Variants in CRYBB2 observed in about 807,000 individuals in gnomAD.
The protein encoded by CRYBB2 is crystallin beta B2, also known as beta-crystallin B2.
Under a neutral mutation model 24.3 loss-of-function variants are expected in CRYBB2, and 12 were observed. That is an observed-to-expected ratio of 0.49 (90% CI 0.32 to 0.80). CRYBB2 has a LOEUF of 0.80. Ranked by LOEUF, CRYBB2 falls within the 30% of genes least tolerant of loss-of-function variation. The pLI is 0.04. For synonymous variants in CRYBB2, 98 were observed against 101.6 expected (o/e 0.96, Z 0.21); for missense variants, 198 against 268.5 (o/e 0.74, Z 1.83).
At chr22:25,225,226 G>A (rs1935391242) in intron 3 of CRYBB2, among the ~76,000 whole-genome samples, 190 bp downstream of exon 3, 1 of 152,160 alleles carries the variant, frequency 6.6e-6, no homozygotes, top group Admixed American at 6.5e-5. Flanking sequence ...CACCCCTTCT[G>A]GGTTGTGTGG....
intron 5 of CRYBB2, among the ~76,000 whole-genome samples, chr22:25,230,977 G>T (rs1490961325): frequency 2.0e-5 from 3 of 152,150 alleles, no homozygotes; most frequent in Non-Finnish European, 4.4e-5. Context: ...TGGTGTGTGT[G>T]GGGGAGCCTG....
Position 25,227,919 on chromosome 22 carries a change from C to G in CRYBB2, c.240C>G (p.Pro80=), listed in dbSNP as rs1935450011. Residue 80 remains proline, a synonymous_variant, in exon 4 of 6, where the codon CCC becomes CCG. Coordinates refer to ENST00000398215, the MANE Select transcript of CRYBB2 (RefSeq NM_000496.3). The part of the protein sequence containing the change: ...EQFVFEKGEY[P]RWDSWTSSRR... The stretch of plus-strand genomic sequence containing the variant: ...TTGTGTTTGAGAAGGGTGAGTACCC[C>G]CGCTGGGACTCATGGACCAGCAGCC... The G allele has an allele frequency of 6.2e-7, 1 of 1,614,130 alleles. No individual in the cohort carries two copies. The highest frequency in any genetic ancestry group is 8.5e-7 in the Non-Finnish European group (1 of 1,180,020).
upstream of CRYBB2, among the ~76,000 whole-genome samples, chr22:25,218,246 G>A (rs571455341): frequency 4.0e-4 from 58 of 144,816 alleles, no homozygotes; most frequent in East Asian, 1.1e-3. Context: ...GCGACAGAGC[G>A]AGACTCCATC....
intron 2 of CRYBB2, among the ~76,000 whole-genome samples, chr22:25,224,110 T>G: frequency 1.5e-5 from 2 of 134,502 alleles, no homozygotes; most frequent in African/African-American, 3.0e-5. Context: ...GGCGACAGAG[T>G]GAGACTCCGT....
At chr22:25,218,736 G>GGAGAGA (rs71191034), upstream of CRYBB2, among the ~76,000 whole-genome samples, 5 of 35,332 alleles carry the variant, frequency 1.4e-4, no homozygotes, top group East Asian at 9.8e-4. Context: ...GAGAGAGAGG[G>GGAGAGA]GAGAGAGAGA....
At chr22:25,218,847 A>T (rs200112888), upstream of CRYBB2, among the ~76,000 whole-genome samples, 10 of 114,558 alleles carry the variant, frequency 8.7e-5, no homozygotes, top group African/African-American at 3.4e-4. Context: ...AGAGAAAGAA[A>T]GAAAGAAAGA....
At chr22:25,216,130 G>C (rs1935166678), upstream of CRYBB2, among the ~76,000 whole-genome samples, 1 of 148,106 alleles carries the variant, frequency 6.8e-6, no homozygotes, top group Non-Finnish European at 1.5e-5. Context: ...TAAGGACACA[G>C]CCAGGTCTTG....
chr22:25,217,441 C>T (rs908191301), upstream of CRYBB2, among the ~76,000 whole-genome samples: 2 of 152,192 alleles, frequency 1.3e-5, no homozygotes, highest in East Asian at 3.8e-4. Context: ...CCTCAGCCTC[C>T]CGAGTAGCTG....
intron 2 of CRYBB2, among the ~76,000 whole-genome samples, chr22:25,224,107 G>C (rs1415413351): frequency 6.8e-6 from 1 of 146,380 alleles, no homozygotes; most frequent in Admixed American, 6.8e-5. Context: ...CTGGGCGACA[G>C]AGTGAGACTC....
At chr22:25,229,257 A>T (rs1935489498) in intron 4 of CRYBB2, among the ~76,000 whole-genome samples, 179 bp from the exon 5 acceptor site, 1 of 152,212 alleles carries the variant, frequency 6.6e-6, no homozygotes. Flanking sequence ...ATGGCCCAGT[A>T]GAAACTTAAC....
upstream of CRYBB2, among the ~76,000 whole-genome samples, chr22:25,218,735 GGGAGAGAGAGAGAGAGAGAGAGAGA>G (rs1935236527): frequency 2.4e-5 from 1 of 41,516 alleles, no homozygotes; most frequent in Non-Finnish European, 4.0e-5. Context: ...AGAGAGAGAG[GGGAGAGAGAGAGAGAGAGAGAGAGA>G]GAGAGAGAGA....
chr22:25,229,349 C>T lies in CRYBB2; in HGVS notation c.307-87C>T, dbSNP rs1301029343. ...AGAGTGATGTGTGGGACATGCTGAT[C>T]CCAACTCTGGGGCATGAGCATGGGG... is the stretch of plus-strand genomic sequence containing the variant. On this transcript the variant is annotated intron_variant, in intron 4 of 5. Transcript: ENST00000398215. The T allele has an allele frequency of 3.7e-5, 56 of 1,524,446 alleles. 1 individual carries two copies. In the East Asian group the frequency reaches 1.4e-3, roughly 37 times the overall value. The allele number at this position is 1,524,446 out of a possible 1,614,324, so 94.4% of individuals were successfully genotyped here.
chr22:25,218,769 GAGAGAGAGAGAAGAA>G (rs1569016184), upstream of CRYBB2, among the ~76,000 whole-genome samples: 4 of 37,476 alleles, frequency 1.1e-4, no homozygotes, highest in East Asian at 1.4e-3. Flanking sequence ...GAGAGAGAGA[GAGAGAGAGAGAAGAA>G]AGAAAGAAAG....
chr22:25,218,777 GAGA>G (rs1292457694), upstream of CRYBB2, among the ~76,000 whole-genome samples: 5 of 26,078 alleles, frequency 1.9e-4, no homozygotes, highest in African/African-American at 4.2e-4. Flanking sequence ...GAGAGAGAGA[GAGA>G]AGAAAGAAAG....
chr22:25,211,897 C>T (rs1935111203), upstream of CRYBB2, among the ~76,000 whole-genome samples: 1 of 152,228 alleles, frequency 6.6e-6, no homozygotes, highest in Non-Finnish European at 1.5e-5. Context: ...CTGAGTTAGG[C>T]TCTTGATTTA....
upstream of CRYBB2, among the ~76,000 whole-genome samples, chr22:25,217,215 C>T (rs377667207): frequency 6.6e-5 from 10 of 151,194 alleles, no homozygotes; most frequent in African/African-American, 1.9e-4. Flanking sequence ...CACTGTTTTC[C>T]GTAGTGGCAA....
upstream of CRYBB2, among the ~76,000 whole-genome samples, chr22:25,218,779 G>GAAA (rs376967033): frequency 5.8e-4 from 20 of 34,532 alleles, no homozygotes; most frequent in African/African-American, 1.6e-3. Context: ...GAGAGAGAGA[G>GAAA]AAGAAAGAAA....
chr22:25,217,371 G>T (rs189249311), upstream of CRYBB2, among the ~76,000 whole-genome samples: 2 of 152,098 alleles, frequency 1.3e-5, no homozygotes, highest in Non-Finnish European at 2.9e-5. Context: ...AGGTTGGAGT[G>T]CAATGCCATG....
intron 3 of CRYBB2, among the ~76,000 whole-genome samples, chr22:25,226,401 C>G (rs957044335): frequency 6.6e-6 from 1 of 152,140 alleles, no homozygotes; most frequent in African/African-American, 2.4e-5. Flanking sequence ...TTGGGCCCCA[C>G]TTAAGCCCCA....
Sources: allele counts gnomAD v4.1 joint callset (sites outside exome capture counted in the v4.1 genomes callset), GRCh38; gene constraint gnomAD v4.1.1; transcripts MANE v1.5; gene names NCBI Gene and HGNC (gene_info 2026-07-23, HGNC 2026-07-21).